Variants in PRKD1 observed in about 807,000 individuals in gnomAD.
PRKD1 encodes protein kinase D1.
A neutral mutation model predicts 95.9 loss-of-function variants in PRKD1; 63 were observed. The ratio of observed to expected loss-of-function variants is 0.66; its 90% CI spans 0.54 to 0.81. The LOEUF is 0.81. PRKD1 is among the 30% of genes least tolerant of loss of function. The pLI is 0.00. For missense variants in PRKD1, 1,048 were observed against 1,165.3 expected (o/e 0.90, Z 1.47); for synonymous variants, 425 against 423.1 (o/e 1.00, Z -0.05).
intron 2 of PRKD1, among the ~76,000 whole-genome samples, chr14:29,720,742 T>G (rs1233041495): frequency 6.6e-6 from 1 of 150,960 alleles, no homozygotes; most frequent in Non-Finnish European, 1.5e-5. Flanking sequence ...ATTGAGCCAC[T>G]GCACTCCAGC....
intron 12 of PRKD1, among the ~76,000 whole-genome samples, chr14:29,624,883 T>C (rs912847877): frequency 1.3e-5 from 2 of 152,168 alleles, no homozygotes; most frequent in African/African-American, 4.8e-5. Context: ...TTAACTACTA[T>C]AACAAACTTT....
rs1182681787 is a variant in PRKD1, at chr14:29,630,813, A to C, written c.1601T>G (p.Ile534Arg). The C allele has an allele frequency of 6.2e-7, 1 of 1,614,114 alleles. No individual in the cohort carries two copies. Among genetic ancestry groups the C allele is most frequent in the Non-Finnish European group, 8.5e-7 (1 of 1,179,994 alleles). ...GGGCATAAGGGCATGCTGGATGGCT[A>C]TCTCCCACATCCTGGCCACATCTGC... is the stretch of plus-strand genomic sequence containing the variant. Reference protein sequence around the residue: ...VGADVARMWEIAIQHALMPVI... With the variant: ...VGADVARMWERAIQHALMPVI... The change falls in exon 10 of 18, where the codon ATA becomes AGA. Residue 534 changes from isoleucine (I) to arginine (R), a missense_variant. This residue lies in a region of PRKD1 where 739 missense variants were observed against 861.9 expected (regional missense o/e 0.86). Coordinates refer to ENST00000331968, the MANE Select transcript of PRKD1 (RefSeq NM_002742.3).
chr14:29,798,869 TTTTC>T (rs1889917845), intron 1 of PRKD1, among the ~76,000 whole-genome samples: 1 of 152,328 alleles, frequency 6.6e-6, no homozygotes, highest in Non-Finnish European at 1.5e-5. Context: ...ATTCTTTTTC[TTTTC>T]TTTTCTGTTA....
intron 2 of PRKD1, among the ~76,000 whole-genome samples, chr14:29,675,572 G>C (rs1045807545): frequency 6.6e-6 from 1 of 152,116 alleles, no homozygotes; most frequent in African/African-American, 2.4e-5. Flanking sequence ...ACAGTGTGGC[G>C]ATTCTTCAAG....
intron 1 of PRKD1, among the ~76,000 whole-genome samples, chr14:29,819,003 G>GT (rs777827608): frequency 2.2e-3 from 333 of 151,968 alleles, no homozygotes; most frequent in Non-Finnish European, 3.8e-3. Context: ...TTATTAAAAG[G>GT]GGGTGGGGGT....
In PRKD1 at chr14:29,634,474, T is replaced by C; in HGVS notation, c.1258A>G (p.Ser420Gly). 6.2e-7 allele frequency: 1 copy of C among 1,614,096 alleles called. No homozygotes were observed. The highest frequency in any genetic ancestry group is 8.5e-7 in the Non-Finnish European group (1 of 1,179,968). Residue 420 changes from serine to glycine, a missense_variant, in exon 8 of 18, where the codon AGC (serine) becomes GGC (glycine). Physicochemically the swap from Ser to Gly is moderately conservative, Grantham distance 56. Transcript: ENST00000331968. ...CATCCTTCTTTCATGACTGTGCTGC[T>C]TTTCCTCTTCGTGTGTTTGACAGAC... ...VQSVKHTKRK[S>G]STVMKEGWMV...
At chr14:29,821,630 T>A (rs1199753031) in intron 1 of PRKD1, among the ~76,000 whole-genome samples, 1 of 152,244 alleles carries the variant, frequency 6.6e-6, no homozygotes, top group Non-Finnish European at 1.5e-5. Context: ...CTGGAATTTT[T>A]ATAGACATTC....
rs149150061 is a variant in PRKD1 at position 29,577,411 on chromosome 14, C to T, written c.2566G>A (p.Gly856Arg). 1.1e-5 allele frequency: 18 copies of T among 1,613,642 alleles called. No individual in the cohort carries two copies. The East Asian group carries it at 1.3e-4, about 12-fold the overall frequency. Reference sequence around the variant, plus strand: ...CTTTCATGGGTGATGTAGCGCTCCCCGATTTTGCATTCCAGCTCTCGCAAA... The same window carrying T: ...CTTTCATGGGTGATGTAGCGCTCCCTGATTTTGCATTCCAGCTCTCGCAAA... ...LDLRELECKI[G>R]ERYITHESDD... The change falls in exon 18 of 18, where the codon GGG becomes AGG. Residue 856 changes from glycine (G) to arginine (R), a missense_variant. Coordinates refer to ENST00000331968, the MANE Select transcript of PRKD1 (RefSeq NM_002742.3).
intron 1 of PRKD1, among the ~76,000 whole-genome samples, chr14:29,770,930 CAAAAAAAA>C (rs753745571): frequency 2.1e-5 from 1 of 47,164 alleles, no homozygotes; most frequent in Non-Finnish European, 5.3e-5. Flanking sequence ...AGACACTGTC[CAAAAAAAA>C]AAAAAAAAAA....
At chr14:29,797,188 G>T (rs1320332052) in intron 1 of PRKD1, among the ~76,000 whole-genome samples, 1 of 152,272 alleles carries the variant, frequency 6.6e-6, no homozygotes, top group African/African-American at 2.4e-5. Context: ...GATAACTGGG[G>T]TAAAGGGAAA....
At chr14:29,586,990 T>G (rs1371400611) in intron 16 of PRKD1, among the ~76,000 whole-genome samples, 2 of 152,102 alleles carry the variant, frequency 1.3e-5, no homozygotes, top group East Asian at 3.9e-4. Context: ...GACTATAAGA[T>G]AACGTAGATA....
intron 1 of PRKD1, among the ~76,000 whole-genome samples, chr14:29,787,791 A>G (rs1322142307): frequency 6.6e-6 from 1 of 152,174 alleles, no homozygotes. Context: ...AAATTCATTC[A>G]GCCAGTCTGT....
chr14:29,722,253 C>T (rs913327562), intron 2 of PRKD1, among the ~76,000 whole-genome samples: 6 of 152,134 alleles, frequency 3.9e-5, no homozygotes, highest in Admixed American at 3.9e-4. Flanking sequence ...AACAGTAAAA[C>T]TACAGGCTTC....
At chr14:29,624,753 A>C (rs773172898) in intron 12 of PRKD1, among the ~76,000 whole-genome samples, 2 of 152,154 alleles carry the variant, frequency 1.3e-5, no homozygotes, top group Non-Finnish European at 2.9e-5. Context: ...TGAGGAGAAG[A>C]TTGGATGAAA....
At chr14:29,753,576 GCCTTTATTTTTCT>G (rs762867746) in intron 1 of PRKD1, among the ~76,000 whole-genome samples, 1 of 151,988 alleles carries the variant, frequency 6.6e-6, no homozygotes, top group Non-Finnish European at 1.5e-5. Context: ...CTACTCTATT[GCCTTTATTTTTCT>G]CCTTTATTTC....
intron 1 of PRKD1, among the ~76,000 whole-genome samples, chr14:29,773,188 T>C (rs1888585130): frequency 6.6e-6 from 1 of 152,170 alleles, no homozygotes; most frequent in Non-Finnish European, 1.5e-5. Flanking sequence ...TGGCCGGCTG[T>C]GGTGACTCAT....
chr14:29,636,058 AAAT>A (rs1274565360), intron 7 of PRKD1, among the ~76,000 whole-genome samples: 1 of 149,794 alleles, frequency 6.7e-6, no homozygotes, highest in East Asian at 1.9e-4. Context: ...AAAAAAAAAA[AAAT>A]AGTTCAATGA....
chr14:29,648,642 T>C (rs1457192847), intron 4 of PRKD1, among the ~76,000 whole-genome samples: 2 of 152,154 alleles, frequency 1.3e-5, no homozygotes, highest in East Asian at 3.9e-4. Flanking sequence ...ACAAAGTCTT[T>C]TATAAAACTG....
At chr14:29,709,871 T>C (rs1405036848) in intron 2 of PRKD1, among the ~76,000 whole-genome samples, 3 of 152,160 alleles carry the variant, frequency 2.0e-5, no homozygotes, top group Non-Finnish European at 4.4e-5. Context: ...ATTAATCTCA[T>C]TCAGAAACAC....
Sources: allele counts gnomAD v4.1 joint callset (sites outside exome capture counted in the v4.1 genomes callset), GRCh38; gene constraint gnomAD v4.1.1; regional missense constraint gnomAD v4.1.1; transcripts MANE v1.5; gene names NCBI Gene and HGNC (gene_info 2026-07-23, HGNC 2026-07-21).